The following CLINT1 variants were observed in gnomAD, a reference collection of about 807,000 sequenced individuals.
CLINT1 encodes clathrin interactor 1.
CLINT1 carries 15 observed loss-of-function variants against 70.4 expected under a neutral mutation model. The ratio of observed to expected loss-of-function variants is 0.21; its 90% CI spans 0.14 to 0.33. The LOEUF is 0.33. CLINT1 is among the 10% of genes least tolerant of loss of function. The pLI is 1.00. For synonymous variants in CLINT1, 227 were observed against 254.7 expected, an observed-to-expected ratio of 0.89 and a Z score of 1.04; for missense variants, 615 against 778.1, an observed-to-expected ratio of 0.79 and a Z score of 2.49.
rs527616846 is a variant in CLINT1, at chr5:157,849,350, T to C, written c.41+9580A>G. ...TGCTGAAAGCTCAGATGGCTGTACTTTTTAGCAATAAGATATTTTTAAATT... is the reference window on the plus strand; with the variant it reads ...TGCTGAAAGCTCAGATGGCTGTACTCTTTAGCAATAAGATATTTTTAAATT... On this transcript the variant is annotated intron_variant, in intron 1 of 11. Transcript: ENST00000411809. Among the ~76,000 whole-genome samples, 31 of 152,344 alleles carry C rather than the reference T, an allele frequency of 2.0e-4. No individual in the cohort carries two copies. The South Asian group carries it at 6.2e-3, about 31-fold the overall frequency.
At chr5:157,797,678 C>A (rs1439224981) in intron 8 of CLINT1, among the ~76,000 whole-genome samples, 2 of 152,018 alleles carry the variant, frequency 1.3e-5, no homozygotes, top group African/African-American at 4.8e-5. Flanking sequence ...CAGCCACCGC[C>A]CCTGGTGGAG....
At chr5:157,829,168 G>T (rs1006088126) in intron 1 of CLINT1, among the ~76,000 whole-genome samples, 3 of 152,050 alleles carry the variant, frequency 2.0e-5, no homozygotes, top group Admixed American at 1.3e-4. Flanking sequence ...GGTGGAGGAA[G>T]GGCCAGAAGG....
In CLINT1 at chr5:157,787,747, T is replaced by C. The variant is rs772805192; in HGVS notation, c.1777A>G (p.Thr593Ala). ...IGMSAAGMGL[T>A]GTMGMGMPNI... The stretch of plus-strand genomic sequence containing the variant: ...GGCATGCCCATTCCCATTGTGCCTG[T>C]CAAGCCCATCCCAGCAGCGGACATC... Residue 593 changes from threonine (T) to alanine (A), a missense_variant, in exon 12 of 12, where the codon ACA becomes GCA. This residue lies in a region of CLINT1 where 374 missense variants were observed against 409.6 expected (regional missense o/e 0.91). Transcript: ENST00000411809. The C allele has an allele frequency of 8.1e-6, 13 of 1,614,028 alleles. No homozygotes were observed. In the South Asian group the frequency reaches 1.2e-4, roughly 15 times the overall value.
At position 157,814,315 on chromosome 5, in the gene CLINT1, A is replaced by C. The variant is rs1206509708; in HGVS notation, c.244-22T>G. ...ACGACTGCAAAAATACAAAGCAATAAATGATTTAATGAAATATATTCTAGT... is the reference window on the plus strand; with the variant it reads ...ACGACTGCAAAAATACAAAGCAATACATGATTTAATGAAATATATTCTAGT... On this transcript the variant is annotated intron_variant, in intron 3 of 11. Transcript: ENST00000411809. 3 of 1,462,376 alleles carry C rather than the reference A, an allele frequency of 2.1e-6. No individual in the cohort carries two copies. In the African/African-American group the frequency reaches 4.2e-5, roughly 20 times the overall value. 90.6% of individuals were successfully genotyped at this position (1,462,376 alleles called of 1,614,324 possible).
chr5:157,803,581 T>C (rs1388845091), intron 8 of CLINT1, 69 bp downstream of exon 8: 9 of 1,076,762 alleles, frequency 8.4e-6, no homozygotes, highest in Non-Finnish European at 1.1e-5. Flanking sequence ...TATTTTTCAA[T>C]CTATCTTTTA....
At chr5:157,833,066 C>T (rs1162519433) in intron 1 of CLINT1, among the ~76,000 whole-genome samples, 1 of 152,018 alleles carries the variant, frequency 6.6e-6, no homozygotes, top group East Asian at 1.9e-4. Flanking sequence ...AAGCAGAAGT[C>T]CAGGCCAGGC....
At chr5:157,834,894 C>G (rs1318773986) in intron 1 of CLINT1, among the ~76,000 whole-genome samples, 3 of 152,040 alleles carry the variant, frequency 2.0e-5, no homozygotes, top group African/African-American at 7.3e-5. Flanking sequence ...AGAGTTGATC[C>G]TCTTTATTTA....
intron 1 of CLINT1, among the ~76,000 whole-genome samples, chr5:157,848,508 AT>A (rs879596346): frequency 3.5e-4 from 50 of 144,354 alleles, no homozygotes; most frequent in East Asian, 4.0e-4. Context: ...ACTGAATCCA[AT>A]TTTTTTTTTT....
At chr5:157,851,686 C>CAAAAAAAA (rs34229522) in intron 1 of CLINT1, among the ~76,000 whole-genome samples, 5 of 88,940 alleles carry the variant, frequency 5.6e-5, no homozygotes, top group Non-Finnish European at 4.8e-5. Flanking sequence ...GACCCCGTCT[C>CAAAAAAAA]AAAAAAAAAA....
At chr5:157,819,631 G>C (rs1365535272) in intron 1 of CLINT1, among the ~76,000 whole-genome samples, 1 of 152,152 alleles carries the variant, frequency 6.6e-6, no homozygotes, top group African/African-American at 2.4e-5. Context: ...GTTTATCCTG[G>C]TGGCTGAAGA....
At chr5:157,796,600 G>A (rs1561639414) in intron 8 of CLINT1, among the ~76,000 whole-genome samples, 1 of 152,136 alleles carries the variant, frequency 6.6e-6, no homozygotes, top group Non-Finnish European at 1.5e-5. Context: ...TGGAACATCT[G>A]GGCTGCACTC....
At chr5:157,822,275 G>A (rs1293376493) in intron 1 of CLINT1, among the ~76,000 whole-genome samples, 1 of 151,170 alleles carries the variant, frequency 6.6e-6, no homozygotes, top group Non-Finnish European at 1.5e-5. Flanking sequence ...GTGTATACAT[G>A]TGCCATGTTT....
rs780155190 is a variant in CLINT1 at position 157,809,770 on chromosome 5, C to A, written c.553G>T (p.Asp185Tyr). 1 of 1,613,190 alleles carries A rather than the reference C, an allele frequency of 6.2e-7. No individual in the cohort carries two copies. The highest frequency in any genetic ancestry group is 8.5e-7 in the Non-Finnish European group (1 of 1,179,496). Reference sequence around the variant, plus strand: ...CTCTTGTTTTTATCCCACTCCTCATCCCATTTTGATTTGGGCTCAGGATCA... The same window carrying A: ...CTCTTGTTTTTATCCCACTCCTCATACCATTTTGATTTGGGCTCAGGATCA... Reference protein sequence around the residue: ...RYDPEPKSKWDEEWDKNKSAF... With the variant: ...RYDPEPKSKWYEEWDKNKSAF... Residue 185 changes from aspartate to tyrosine, a missense_variant, in exon 6 of 12, where the codon GAT becomes TAT. Asp to Tyr is a radical substitution (Grantham distance 160). Transcript: ENST00000411809.
At chr5:157,813,351 G>C in intron 4 of CLINT1, 124 bp from the exon 5 acceptor site, 1 of 884,586 alleles carries the variant, frequency 1.1e-6, no homozygotes, top group East Asian at 2.7e-5. Context: ...AAAAACAATA[G>C]AAAGGGGCAA....
chr5:157,825,362 T>C (rs1222021112), intron 1 of CLINT1, among the ~76,000 whole-genome samples: 1 of 152,076 alleles, frequency 6.6e-6, no homozygotes, highest in Non-Finnish European at 1.5e-5. Context: ...AAAATAACCA[T>C]CAGGAATTTG....
At position 157,830,769 on chromosome 5, in the gene CLINT1, TC is replaced by T. The variant is rs1763206155; in HGVS notation, c.42-13223del. On this transcript the variant is annotated intron_variant, in intron 1 of 11. Coordinates refer to ENST00000411809, the MANE Select transcript of CLINT1 (RefSeq NM_014666.4). ...CTCCCTCTCTCTCCCTCTCTCTCTC[TC>T]TCTCTCTCTCTCTCTCTCTCTCTCT... 4.2e-5 allele frequency among the ~76,000 whole-genome samples: 5 copies of T among 118,962 alleles called. No homozygotes were observed. In the Admixed American group the frequency reaches 4.8e-4, roughly 11 times the overall value. The allele number at this position is 118,962 out of a possible 152,430, so 78.0% of individuals were successfully genotyped here. A position where few individuals can be genotyped will look rare whatever the true frequency, so the allele number is the denominator to read the frequency against.
intron 8 of CLINT1, among the ~76,000 whole-genome samples, chr5:157,802,585 G>A (rs1296052997): frequency 7.1e-6 from 1 of 141,694 alleles, no homozygotes; most frequent in Non-Finnish European, 1.5e-5. Context: ...CACTGTTGTT[G>A]CCCAGGCTGG....
chr5:157,835,149 C>G (rs956394109), intron 1 of CLINT1, among the ~76,000 whole-genome samples: 4 of 152,128 alleles, frequency 2.6e-5, no homozygotes, highest in Non-Finnish European at 1.5e-5. Flanking sequence ...ATGCTTTACA[C>G]GTTGGCAATT....
intron 1 of CLINT1, among the ~76,000 whole-genome samples, chr5:157,839,738 TC>T: frequency 6.7e-6 from 1 of 149,264 alleles, no homozygotes; most frequent in South Asian, 2.1e-4. Flanking sequence ...TATCTATCTA[TC>T]TATCTATCTA....
Sources: allele counts gnomAD v4.1 joint callset (sites outside exome capture counted in the v4.1 genomes callset), GRCh38; gene constraint gnomAD v4.1.1; regional missense constraint gnomAD v4.1.1; transcripts MANE v1.5; gene names NCBI Gene and HGNC (gene_info 2026-07-23, HGNC 2026-07-21).